CYTH3: variants seen among roughly 807,000 people sequenced by gnomAD.
The protein encoded by CYTH3 is cytohesin 3.
In CYTH3, 23 loss-of-function variants were observed where a neutral mutation model predicts 55.1. The observed-to-expected ratio is 0.42, with a 90% CI of 0.30 to 0.59. The LOEUF is 0.59. CYTH3 is among the 20% of genes least tolerant of loss of function. The pLI is 0.20. For missense variants in CYTH3, 413 were observed against 524.8 expected (o/e 0.79, Z 2.08); for synonymous variants, 249 against 194.9 (o/e 1.28, Z -2.31).
At chr7:6,268,732 G>T (rs1780574074) in intron 1 of CYTH3, among the ~76,000 whole-genome samples, 2 of 152,188 alleles carry the variant, frequency 1.3e-5, no homozygotes, top group South Asian at 4.1e-4. Flanking sequence ...AATTTTTAAA[G>T]CTACTGCCTA....
At chr7:6,270,392 CAATA>C (rs1489362250) in intron 1 of CYTH3, among the ~76,000 whole-genome samples, 1 of 152,140 alleles carries the variant, frequency 6.6e-6, no homozygotes, top group Non-Finnish European at 1.5e-5. Context: ...GATGGGCAAT[CAATA>C]AATAAATCTT....
intron 1 of CYTH3, among the ~76,000 whole-genome samples, chr7:6,229,013 T>A (rs1779319113): frequency 6.6e-6 from 1 of 152,206 alleles, no homozygotes; most frequent in Admixed American, 6.5e-5. Flanking sequence ...AAAGCCACTG[T>A]GTAGACATAT....
rs1277092955 is a variant in CYTH3 at position 6,169,297 on chromosome 7, T to C, written c.823+1238A>G. Among the ~76,000 whole-genome samples, 1 of 152,166 alleles carries C rather than the reference T, an allele frequency of 6.6e-6. No individual in the cohort carries two copies. Among genetic ancestry groups the C allele is most frequent in the Non-Finnish European group, 1.5e-5 (1 of 68,032 alleles). Reference sequence around the variant, plus strand: ...GAGCAGTGGCACAGTCATGGTTCATTGGAGCCTCAACCTCCTGGGCTCAGG... The same window carrying C: ...GAGCAGTGGCACAGTCATGGTTCATCGGAGCCTCAACCTCCTGGGCTCAGG... On this transcript the variant is annotated intron_variant, in intron 9 of 12. Transcript: ENST00000350796. This position sits in a 1 kb window ranked among gnomAD's most constrained non-coding sequence, Gnocchi z 4.1.
At chr7:6,226,306 C>G (rs1779249785) in intron 1 of CYTH3, among the ~76,000 whole-genome samples, 1 of 152,202 alleles carries the variant, frequency 6.6e-6, no homozygotes, top group East Asian at 1.9e-4. Context: ...TCATTCCTTG[C>G]TGGGAAGCCT....
intron 1 of CYTH3, among the ~76,000 whole-genome samples, chr7:6,246,803 T>G (rs563510718): frequency 6.6e-6 from 1 of 152,290 alleles, no homozygotes; most frequent in Non-Finnish European, 1.5e-5. Context: ...TTTACAATAT[T>G]TGACTTTTCA....
intron 1 of CYTH3, among the ~76,000 whole-genome samples, chr7:6,220,587 A>AAG (rs1784529115): frequency 1.3e-5 from 2 of 151,932 alleles, no homozygotes; most frequent in African/African-American, 4.8e-5. Flanking sequence ...AAAAAAAAAA[A>AAG]AAAAAAAACC....
At chr7:6,216,442 A>G (rs1200053683) in intron 1 of CYTH3, among the ~76,000 whole-genome samples, 1 of 152,110 alleles carries the variant, frequency 6.6e-6, no homozygotes, top group African/African-American at 2.4e-5. Context: ...AGATATACTC[A>G]ATCAAAAACA....
intron 1 of CYTH3, among the ~76,000 whole-genome samples, chr7:6,218,577 G>A (rs946383113): frequency 6.6e-6 from 1 of 152,148 alleles, no homozygotes; most frequent in African/African-American, 2.4e-5. Context: ...CAGAACTAGG[G>A]TGCAGCTATA....
At chr7:6,258,848 A>G (rs889781057) in intron 1 of CYTH3, among the ~76,000 whole-genome samples, 4 of 152,220 alleles carry the variant, frequency 2.6e-5, no homozygotes, top group African/African-American at 4.8e-5. Flanking sequence ...AAATAGCTCA[A>G]TAATTACCGC....
At chr7:6,267,266 G>C (rs1348943169) in intron 1 of CYTH3, among the ~76,000 whole-genome samples, 1 of 152,166 alleles carries the variant, frequency 6.6e-6, no homozygotes, top group Non-Finnish European at 1.5e-5. Flanking sequence ...CCCAGGCTCA[G>C]GTACTTCTTT....
At chr7:6,184,623 C>A (rs1024552453) in intron 4 of CYTH3, among the ~76,000 whole-genome samples, 5 of 152,130 alleles carry the variant, frequency 3.3e-5, no homozygotes, top group Admixed American at 2.0e-4. Flanking sequence ...TCTTGTCGCC[C>A]AGACTGGAGT....
chr7:6,188,347 A>C (rs1263415367), intron 2 of CYTH3, among the ~76,000 whole-genome samples: 1 of 151,570 alleles, frequency 6.6e-6, no homozygotes, highest in East Asian at 1.9e-4. Flanking sequence ...TTTAAAAAAA[A>C]CAAAAAAACA....
chr7:6,201,370 C>A (rs1784056368), intron 1 of CYTH3, among the ~76,000 whole-genome samples: 1 of 152,204 alleles, frequency 6.6e-6, no homozygotes, highest in African/African-American at 2.4e-5. Flanking sequence ...TTCTCGCCAC[C>A]TCCTTGGAAC....
intron 1 of CYTH3, among the ~76,000 whole-genome samples, chr7:6,238,333 C>T (rs183194887): frequency 6.6e-6 from 1 of 151,992 alleles, no homozygotes; most frequent in East Asian, 1.9e-4. Flanking sequence ...ACAATTTCTA[C>T]TAAAGGAAAT....
intron 1 of CYTH3, among the ~76,000 whole-genome samples, chr7:6,216,912 A>C (rs1352796284): frequency 6.6e-6 from 1 of 151,552 alleles, no homozygotes; most frequent in Non-Finnish European, 1.5e-5. Flanking sequence ...ATAATCGATA[A>C]TGACTTTTTT....
chr7:6,183,968 T>C (rs1456051884), intron 4 of CYTH3, among the ~76,000 whole-genome samples: 1 of 150,076 alleles, frequency 6.7e-6, no homozygotes, highest in Non-Finnish European at 1.5e-5. Context: ...ACACCAATCA[T>C]GCTGGCACCC....
Position 6,170,434 on chromosome 7 carries a change from T to G in CYTH3, c.823+101A>C, listed in dbSNP as rs1783143438. The G allele has an allele frequency of 1.9e-6, 2 of 1,079,160 alleles. No homozygotes were observed. The highest frequency in any genetic ancestry group is 2.7e-6 in the Non-Finnish European group (2 of 743,034). 66.8% of individuals were successfully genotyped at this position (1,079,160 alleles called of 1,614,324 possible). On this transcript the variant is annotated intron_variant, in intron 9 of 12. Coordinates refer to ENST00000350796, the MANE Select transcript of CYTH3 (RefSeq NM_004227.4). This position sits in a 1 kb window ranked among gnomAD's most constrained non-coding sequence, Gnocchi z 7.8. The stretch of plus-strand genomic sequence containing the variant: ...CGCGTTTCTTTTTAACGTCTCTGCC[T>G]GCGGTGGGGGGCATTCCTACGATGA...
chr7:6,218,050 G>A (rs940189088), intron 1 of CYTH3, among the ~76,000 whole-genome samples: 2 of 152,046 alleles, frequency 1.3e-5, no homozygotes, highest in African/African-American at 4.8e-5. Flanking sequence ...AGGTATGGTG[G>A]TGTGCACCTG....
chr7:6,272,534 G>A lies in CYTH3; in HGVS notation c.-27C>T. 1 of 1,315,826 alleles carries A rather than the reference G, an allele frequency of 7.6e-7. No homozygotes were observed. Among genetic ancestry groups the A allele is most frequent in the Non-Finnish European group, 9.8e-7 (1 of 1,020,356 alleles). 81.5% of individuals were successfully genotyped at this position (1,315,826 alleles called of 1,614,324 possible). On this transcript the variant is annotated 5_prime_UTR_variant, in exon 1 of 13. Coordinates refer to ENST00000350796, the MANE Select transcript of CYTH3 (RefSeq NM_004227.4). ...TTGAGGCCACTCCCGCAGCCGGCGA[G>A]CCGGGGGCCGGCAGCAGAGGGGCCG...
Sources: gnomAD v4.1 joint callset for allele counts (sites outside exome capture counted in the v4.1 genomes callset) on GRCh38, gnomAD v4.1.1 for gene constraint, Gnocchi (gnomAD v3.1) non-coding constraint, MANE v1.5 for transcripts, NCBI Gene and HGNC (gene_info 2026-07-23, HGNC 2026-07-21) for gene names.